Variants in CAMK2B observed in about 807,000 individuals in gnomAD.
CAMK2B encodes the protein calcium/calmodulin dependent protein kinase II beta.
CAMK2B carries 27 observed loss-of-function variants against 93.7 expected under a neutral mutation model. The ratio of observed to expected loss-of-function variants is 0.29; its 90% confidence interval spans 0.21 to 0.40. The LOEUF (loss-of-function observed/expected upper bound fraction) is 0.40. CAMK2B is among the 10% of genes least tolerant of loss of function. The probability of loss-of-function intolerance (pLI) is 1.00; values close to 1 mark genes in which losing one functional copy is unlikely to be tolerated. For missense variants in CAMK2B, 568 were observed against 895.8 expected, an observed-to-expected ratio of 0.63 and a Z score of 4.67; for synonymous variants, 374 against 358.8, an observed-to-expected ratio of 1.04 and a Z score of -0.48.
rs1443976225 is a variant in CAMK2B, at chr7:44,312,212, G to A, written c.65+13145C>T. Among the ~76,000 whole-genome samples, 1 of 152,146 alleles carries A rather than the reference G, an allele frequency of 6.6e-6. No homozygotes were observed. The highest frequency in any genetic ancestry group is 1.5e-5 in the Non-Finnish European group (1 of 68,024). ...ATCCTTGGTGCCAGAAAGTGGAGGT[G>A]AGTGGAATTTAAAATGACAACTCTA... is the stretch of plus-strand genomic sequence containing the variant. On this transcript the variant is annotated intron_variant, in intron 1 of 23. Transcript: ENST00000395749. The surrounding 1 kb of genome is among the most constrained non-coding windows in gnomAD (Gnocchi z 4.1).
At chr7:44,319,891 A>G (rs1470109021) in intron 1 of CAMK2B, among the ~76,000 whole-genome samples, 2 of 152,202 alleles carry the variant, frequency 1.3e-5, no homozygotes, top group Non-Finnish European at 2.9e-5. Context: ...AATCACATAT[A>G]TGGTGATTCC....
intron 1 of CAMK2B, among the ~76,000 whole-genome samples, chr7:44,316,428 C>T (rs1469544262): frequency 6.6e-6 from 1 of 152,038 alleles, no homozygotes; most frequent in Non-Finnish European, 1.5e-5. Flanking sequence ...ATTTATTTTG[C>T]TAGTGTTTTG....
At chr7:44,253,443 C>T (rs1256104203) in intron 5 of CAMK2B, among the ~76,000 whole-genome samples, 1 of 152,146 alleles carries the variant, frequency 6.6e-6, no homozygotes, top group Admixed American at 6.5e-5. Flanking sequence ...GAACTCCCGA[C>T]CTCAGGTGAT....
intron 12 of CAMK2B, among the ~76,000 whole-genome samples, chr7:44,240,043 CGAGA>C (rs1314634030): frequency 1.3e-5 from 2 of 152,124 alleles, no homozygotes; most frequent in Admixed American, 6.5e-5. Context: ...AAACGGACAA[CGAGA>C]GAGACGGATC....
At chr7:44,308,125 C>T (rs375009412) in intron 1 of CAMK2B, among the ~76,000 whole-genome samples, 1 of 152,202 alleles carries the variant, frequency 6.6e-6, no homozygotes, top group African/African-American at 2.4e-5. Context: ...GCCCAGGAGG[C>T]ATGGGGCAGG....
chr7:44,308,050 AC>A (rs1792411114), intron 1 of CAMK2B, among the ~76,000 whole-genome samples: 1 of 151,886 alleles, frequency 6.6e-6, no homozygotes, highest in African/African-American at 2.4e-5. Flanking sequence ...GAGGGAAACC[AC>A]CCATTCACCT....
At chr7:44,241,609 G>A (rs1428324884) in intron 11 of CAMK2B, 91 bp downstream of exon 11, 2 of 953,244 alleles carry the variant, frequency 2.1e-6, no homozygotes, top group East Asian at 2.4e-5. Flanking sequence ...TAACCCCTAG[G>A]TCTGCCCAGA....
intron 6 of CAMK2B, among the ~76,000 whole-genome samples, chr7:44,245,615 C>T (rs1387796667): frequency 6.6e-6 from 1 of 152,172 alleles, no homozygotes; most frequent in Non-Finnish European, 1.5e-5. Flanking sequence ...CCTGGGGGCC[C>T]CCTCCTCCCA....
intron 2 of CAMK2B, among the ~76,000 whole-genome samples, chr7:44,282,476 C>T (rs1416437380): frequency 6.6e-6 from 1 of 152,246 alleles, no homozygotes; most frequent in Non-Finnish European, 1.5e-5. Context: ...GAACCCTCTG[C>T]AGTGTCACCC....
chr7:44,230,425 C>T, intron 17 of CAMK2B: 1 of 153,284 alleles, frequency 6.5e-6, no homozygotes, highest in Non-Finnish European at 1.5e-5. Context: ...TGTGGGTGGT[C>T]TGGAGGCGGC....
chr7:44,237,045 G>C (rs954247937), intron 13 of CAMK2B, among the ~76,000 whole-genome samples: 2 of 152,246 alleles, frequency 1.3e-5, no homozygotes, highest in Admixed American at 1.3e-4. Flanking sequence ...CACCCCCGAG[G>C]GGACAGTCAG....
At chr7:44,291,657 T>C (rs1416999378) in intron 1 of CAMK2B, among the ~76,000 whole-genome samples, 2 of 152,230 alleles carry the variant, frequency 1.3e-5, no homozygotes, top group Non-Finnish European at 2.9e-5. Context: ...GATCATATAC[T>C]CACTTATAGG....
intron 4 of CAMK2B, among the ~76,000 whole-genome samples, chr7:44,257,509 C>T (rs995804611): frequency 5.3e-5 from 8 of 152,258 alleles, no homozygotes; most frequent in African/African-American, 1.9e-4. Context: ...GGCCCTGGAT[C>T]GGACCACCCC....
At chr7:44,258,249 A>T (rs1392641528) in intron 4 of CAMK2B, among the ~76,000 whole-genome samples, 1 of 152,112 alleles carries the variant, frequency 6.6e-6, no homozygotes, top group African/African-American at 2.4e-5. Flanking sequence ...ATACACATGC[A>T]TGCACACACA....
intron 6 of CAMK2B, chr7:44,244,957 CA>C: frequency 2.2e-6 from 1 of 456,230 alleles, no homozygotes; most frequent in South Asian, 1.6e-5. Flanking sequence ...ATCCACAGGC[CA>C]CTGGACATGG....
chr7:44,294,780 CCTCT>C (rs1444066540), intron 1 of CAMK2B, among the ~76,000 whole-genome samples: 1 of 152,132 alleles, frequency 6.6e-6, no homozygotes, highest in Non-Finnish European at 1.5e-5. Flanking sequence ...GGGGTGCTGG[CCTCT>C]CTAAGATCAA....
At chr7:44,287,786 TC>T (rs1224370422) in intron 1 of CAMK2B, among the ~76,000 whole-genome samples, 1 of 152,142 alleles carries the variant, frequency 6.6e-6, no homozygotes, top group Non-Finnish European at 1.5e-5. Flanking sequence ...TGCAAACAGC[TC>T]CCCGCTTTCC....
intron 2 of CAMK2B, among the ~76,000 whole-genome samples, chr7:44,274,060 G>A (rs2097004512): frequency 6.6e-6 from 1 of 152,146 alleles, no homozygotes; most frequent in Non-Finnish European, 1.5e-5. Context: ...CCGGATGAGA[G>A]CATCTGCACA....
chr7:44,256,857 T>A (rs1427834201), intron 4 of CAMK2B, among the ~76,000 whole-genome samples: 1 of 152,158 alleles, frequency 6.6e-6, no homozygotes, highest in Non-Finnish European at 1.5e-5. Flanking sequence ...ATCTAGTGGT[T>A]CAGTTTCAGG....
Sources: allele counts gnomAD v4.1 joint callset (sites outside exome capture counted in the v4.1 genomes callset), GRCh38; gene constraint gnomAD v4.1.1; non-coding constraint Gnocchi (gnomAD v3.1); transcripts MANE v1.5; gene names NCBI Gene and HGNC (gene_info 2026-07-23, HGNC 2026-07-21).